Variants in CYP39A1 observed in about 807,000 individuals in gnomAD.
The protein encoded by CYP39A1 is cytochrome P450 family 39 subfamily A member 1.
A neutral mutation model predicts 58.1 loss-of-function variants in CYP39A1; 49 were observed. That is an observed-to-expected ratio of 0.84 (90% CI 0.67 to 1.07). CYP39A1 has a LOEUF of 1.07. CYP39A1 is among the 50% of genes least tolerant of loss of function. The pLI, the probability that CYP39A1 is intolerant of heterozygous loss-of-function variation, is 0.00. For synonymous variants in CYP39A1, 209 were observed against 187.6 expected, an observed-to-expected ratio of 1.11 and a Z score of -0.93; for missense variants, 531 against 539.4, an observed-to-expected ratio of 0.98 and a Z score of 0.16.
intron 10 of CYP39A1, among the ~76,000 whole-genome samples, chr6:46,582,900 T>C (rs554172905): frequency 1.3e-5 from 2 of 152,130 alleles, no homozygotes; most frequent in Non-Finnish European, 2.9e-5. Flanking sequence ...TAAATAGTTA[T>C]CAAATAAAAG....
intron 7 of CYP39A1, among the ~76,000 whole-genome samples, chr6:46,597,351 C>T (rs762341001): frequency 6.6e-6 from 1 of 151,996 alleles, no homozygotes; most frequent in African/African-American, 2.4e-5. Context: ...ACTAGTACAA[C>T]ATGTAGGCAA....
intron 8 of CYP39A1, among the ~76,000 whole-genome samples, chr6:46,594,993 A>C (rs1773060510): frequency 6.6e-6 from 1 of 152,066 alleles, no homozygotes; most frequent in Non-Finnish European, 1.5e-5. Context: ...TGATTTTTAA[A>C]AATTGGCAAG....
At chr6:46,566,767 A>G (rs699944) in intron 10 of CYP39A1, among the ~76,000 whole-genome samples, 28,566 of 151,784 alleles carry the variant, frequency 0.19, 5,357 homozygotes, top group African/African-American at 0.48. Context: ...GCTCATTGAG[A>G]TAAGATTGAC....
chr6:46,626,573 C>A (rs1775318488), intron 6 of CYP39A1, among the ~76,000 whole-genome samples: 1 of 152,164 alleles, frequency 6.6e-6, no homozygotes. Flanking sequence ...CCCTTTCTAA[C>A]TTTAAATTGA....
chr6:46,570,843 C>A (rs1457319885), intron 10 of CYP39A1, among the ~76,000 whole-genome samples: 1 of 152,186 alleles, frequency 6.6e-6, no homozygotes, highest in East Asian at 1.9e-4. Context: ...ATCAAAACAC[C>A]TCCCAATAGG....
Position 46,637,907 on chromosome 6 carries a change from A to AT in CYP39A1, c.559dup (p.Ile187AsnfsTer12), listed in dbSNP as rs1209459972. On this transcript the variant is annotated frameshift_variant, in exon 4 of 12. Coordinates refer to ENST00000275016, the MANE Select transcript of CYP39A1 (RefSeq NM_016593.5). LOFTEE classifies it high-confidence loss of function. Reference sequence around the variant, plus strand: ...TTGAAAATACTGATGGAACTCCTTGATTTTTTTCTTGTTTGTGGAAAACAA... The same window carrying AT: ...TTGAAAATACTGATGGAACTCCTTGATTTTTTTTCTTGTTTGTGGAAAACAA... The AT allele has an allele frequency of 1.3e-5, 21 of 1,612,854 alleles. No homozygotes were observed. In the East Asian group the frequency reaches 1.8e-4, roughly 14 times the overall value.
At chr6:46,567,091 G>C (rs1771333104) in intron 10 of CYP39A1, among the ~76,000 whole-genome samples, 1 of 152,104 alleles carries the variant, frequency 6.6e-6, no homozygotes, top group Non-Finnish European at 1.5e-5. Context: ...TAGGTCTCCA[G>C]AACTTATTAA....
intron 10 of CYP39A1, among the ~76,000 whole-genome samples, chr6:46,565,392 T>C (rs931480201): frequency 6.6e-6 from 1 of 151,244 alleles, no homozygotes; most frequent in Non-Finnish European, 1.5e-5. Context: ...AGTGGGAAGG[T>C]AGATGTTTTA....
chr6:46,646,760 T>C (rs146027475), intron 1 of CYP39A1, among the ~76,000 whole-genome samples: 67 of 152,228 alleles, frequency 4.4e-4, no homozygotes, highest in African/African-American at 1.2e-3. Context: ...ATTAAAATTA[T>C]GTATTGTATA....
intron 10 of CYP39A1, among the ~76,000 whole-genome samples, chr6:46,564,343 A>G (rs1771164098): frequency 6.6e-6 from 1 of 151,578 alleles, no homozygotes; most frequent in African/African-American, 2.4e-5. Flanking sequence ...ATAGGCACCC[A>G]CCATTACACC....
intron 7 of CYP39A1, among the ~76,000 whole-genome samples, chr6:46,602,190 T>C (rs1773550691): frequency 6.6e-6 from 1 of 152,088 alleles, no homozygotes; most frequent in Non-Finnish European, 1.5e-5. Context: ...ATGTCTAAAA[T>C]GGTGGAAGGT....
chr6:46,550,554 T>C lies in CYP39A1; in HGVS notation c.1339-117A>G, dbSNP rs1486335163. Reference sequence around the variant, plus strand: ...AAGTACAAAATTTAGGTTTTTCAAGTTGGGAAATGTTTGCATCAATGAACT... The same window carrying C: ...AAGTACAAAATTTAGGTTTTTCAAGCTGGGAAATGTTTGCATCAATGAACT... On this transcript the variant is annotated intron_variant, in intron 11 of 11. Coordinates refer to ENST00000275016, the MANE Select transcript of CYP39A1 (RefSeq NM_016593.5). The C allele has an allele frequency of 6.3e-6, 5 of 792,694 alleles. No individual in the cohort carries two copies. In the East Asian group the frequency reaches 1.4e-4, roughly 22 times the overall value. 49.1% of individuals were successfully genotyped at this position (792,694 alleles called of 1,614,324 possible).
intron 4 of CYP39A1, among the ~76,000 whole-genome samples, chr6:46,637,534 G>A (rs1297506095): frequency 2.6e-5 from 4 of 152,196 alleles, no homozygotes; most frequent in Non-Finnish European, 4.4e-5. Flanking sequence ...AATCTTAACT[G>A]TAGCAATGAG....
chr6:46,645,661 C>T (rs1261189874), intron 1 of CYP39A1, among the ~76,000 whole-genome samples: 5 of 152,126 alleles, frequency 3.3e-5, no homozygotes, highest in Admixed American at 2.0e-4. Flanking sequence ...GTTTCTTTGT[C>T]TTTCCATATA....
At position 46,652,695 on chromosome 6, in the gene CYP39A1, C is replaced by T. The variant is rs1762779675; in HGVS notation, c.-113G>A. On this transcript the variant is annotated 5_prime_UTR_variant, in exon 1 of 12. Coordinates refer to ENST00000275016, the MANE Select transcript of CYP39A1 (RefSeq NM_016593.5). ...GGGACTCCCAACCTTTCTGCTGCAA[C>T]TTTTGCAGCTCTCCTTCGTAACTGT... 3.1e-6 allele frequency: 3 copies of T among 965,858 alleles called. No homozygotes were observed. The highest frequency in any genetic ancestry group is 1.7e-5 in the African/African-American group (1 of 59,798). The allele number at this position is 965,858 out of a possible 1,614,324, so 59.8% of individuals were successfully genotyped here. A position where few individuals can be genotyped will look rare whatever the true frequency, so the allele number is the denominator to read the frequency against.
intron 7 of CYP39A1, among the ~76,000 whole-genome samples, chr6:46,622,063 G>A (rs1774988982): frequency 6.6e-6 from 1 of 152,056 alleles, no homozygotes; most frequent in South Asian, 2.1e-4. Flanking sequence ...GACGAAAGGA[G>A]CCAGACACAA....
At chr6:46,574,088 C>T (rs550684287) in intron 10 of CYP39A1, among the ~76,000 whole-genome samples, 1 of 152,260 alleles carries the variant, frequency 6.6e-6, no homozygotes, top group East Asian at 1.9e-4. Context: ...ATCATTCCAG[C>T]AGCTCAGTGA....
intron 10 of CYP39A1, among the ~76,000 whole-genome samples, chr6:46,565,709 G>A (rs1045957196): frequency 1.3e-5 from 2 of 152,256 alleles, no homozygotes; most frequent in East Asian, 3.9e-4. Flanking sequence ...AGCAGGGACT[G>A]AATTAAGCAG....
intron 5 of CYP39A1, among the ~76,000 whole-genome samples, chr6:46,634,796 A>G (rs1341840965): frequency 1.3e-5 from 2 of 152,222 alleles, no homozygotes; most frequent in African/African-American, 2.4e-5. Flanking sequence ...TGCTGGGATT[A>G]CAGGCGTGAG....
Sources: gnomAD v4.1 joint callset for allele counts (sites outside exome capture counted in the v4.1 genomes callset) on GRCh38, gnomAD v4.1.1 for gene constraint, MANE v1.5 for transcripts, NCBI Gene and HGNC (gene_info 2026-07-23, HGNC 2026-07-21) for gene names.